PRKCH: variants seen among roughly 807,000 people sequenced by gnomAD.
PRKCH encodes the protein protein kinase C eta type.
PRKCH carries 28 observed loss-of-function variants against 82.5 expected under a neutral mutation model. The observed-to-expected ratio is 0.34, with a 90% CI of 0.25 to 0.47. PRKCH has a LOEUF of 0.47. Ranked by LOEUF, PRKCH falls within the 20% of genes least tolerant of loss-of-function variation. The pLI is 1.00. For synonymous variants in PRKCH, 322 were observed against 327.4 expected (o/e 0.98, Z 0.18); for missense variants, 705 against 881.8 (o/e 0.80, Z 2.54).
At chr14:61,526,419 C>T (rs1008863541) in intron 10 of PRKCH, among the ~76,000 whole-genome samples, 1 of 152,178 alleles carries the variant, frequency 6.6e-6, no homozygotes, top group African/African-American at 2.4e-5. Context: ...TTGATCTGTG[C>T]CATGAAAGCT....
chr14:61,304,947 G>A (rs1436762230), intron 1 of PRKCH: 1 of 151,546 alleles, frequency 6.6e-6, no homozygotes, highest in Non-Finnish European at 1.5e-5. Flanking sequence ...TTCCCCTTAT[G>A]TCATTGACTT....
chr14:61,191,095 T>C (rs4625650), intron 1 of PRKCH, among the ~76,000 whole-genome samples: 37,499 of 152,056 alleles, frequency 0.25, 5,068 homozygotes, highest in Admixed American at 0.37. Context: ...GAAATCTGAT[T>C]CTGTGGCCTG....
chr14:61,489,323 C>T (rs898832356), intron 10 of PRKCH, among the ~76,000 whole-genome samples: 3 of 152,108 alleles, frequency 2.0e-5, no homozygotes, highest in Non-Finnish European at 4.4e-5. Flanking sequence ...GTTTATTTTC[C>T]AGCAGGTTAC....
At position 61,345,728 on chromosome 14, in the gene PRKCH, A is replaced by C. The variant is rs533592008; in HGVS notation, c.363+23264A>C. ...TATCCTCCTCTTTGGGAGGCAACTG[A>C]GGCTCAGAGAGGTTAAGATACTTGC... is the stretch of plus-strand genomic sequence containing the variant. On this transcript the variant is annotated intron_variant, in intron 1 of 13. Transcript: ENST00000332981. 5.3e-5 allele frequency among the ~76,000 whole-genome samples: 8 copies of C among 152,320 alleles called. No individual in the cohort carries two copies. In the East Asian group the frequency reaches 1.5e-3, roughly 29 times the overall value.
At chr14:61,274,183 A>G (rs912223425) in intron 1 of PRKCH, among the ~76,000 whole-genome samples, 2 of 152,244 alleles carry the variant, frequency 1.3e-5, no homozygotes, top group Non-Finnish European at 2.9e-5. Context: ...GGAAGAATGA[A>G]TGAGTAAATT....
At chr14:61,539,987 G>T (rs139521565) in intron 12 of PRKCH, among the ~76,000 whole-genome samples, 3 of 152,316 alleles carry the variant, frequency 2.0e-5, no homozygotes, top group Admixed American at 6.5e-5. Flanking sequence ...TCCACTCCCT[G>T]AACTTATTTC....
intron 10 of PRKCH, among the ~76,000 whole-genome samples, chr14:61,501,482 C>A (rs1886907224): frequency 6.6e-6 from 1 of 152,016 alleles, no homozygotes; most frequent in African/African-American, 2.4e-5. Context: ...CACCAAGAGT[C>A]TCGTACGTTT....
chr14:61,410,990 G>T (rs1037084878), intron 2 of PRKCH, among the ~76,000 whole-genome samples: 1 of 152,228 alleles, frequency 6.6e-6, no homozygotes, highest in African/African-American at 2.4e-5. Flanking sequence ...AGACATCGTG[G>T]ATGCTGTCTT....
intron 12 of PRKCH, among the ~76,000 whole-genome samples, chr14:61,546,994 A>G (rs1301462911): frequency 2.6e-5 from 4 of 152,196 alleles, no homozygotes; most frequent in African/African-American, 9.7e-5. Flanking sequence ...AAGTTTCCCA[A>G]CTGATGGAAA....
intron 2 of PRKCH, among the ~76,000 whole-genome samples, chr14:61,408,103 G>A (rs7145570): frequency 0.52 from 79,173 of 152,076 alleles, 23,036 homozygotes; most frequent in Non-Finnish European, 0.65. Flanking sequence ...ACATGTTTTA[G>A]TGAGAAGGAT....
chr14:61,340,815 G>T (rs760635797), intron 1 of PRKCH, among the ~76,000 whole-genome samples: 1 of 152,042 alleles, frequency 6.6e-6, no homozygotes, highest in Non-Finnish European at 1.5e-5. Context: ...CCATTTTCCC[G>T]GTCAGAACTG....
intron 1 of PRKCH, among the ~76,000 whole-genome samples, chr14:61,358,645 A>G (rs2046183061): frequency 6.6e-6 from 1 of 152,178 alleles, no homozygotes; most frequent in South Asian, 2.1e-4. Context: ...ACCCTGGTTG[A>G]AGCCCTCTTG....
At chr14:61,512,394 C>A (rs1380907898) in intron 10 of PRKCH, among the ~76,000 whole-genome samples, 1 of 151,838 alleles carries the variant, frequency 6.6e-6, no homozygotes, top group Non-Finnish European at 1.5e-5. Context: ...TCCCAAACTG[C>A]CTTCTCTGGA....
intron 1 of PRKCH, among the ~76,000 whole-genome samples, chr14:61,245,791 A>G (rs1253685454): frequency 6.6e-6 from 1 of 152,250 alleles, no homozygotes; most frequent in East Asian, 1.9e-4. Flanking sequence ...CAGGTTCATT[A>G]GTATCCAAAA....
In PRKCH at chr14:61,188,704, A is replaced by AGTGTGTGTGTGTGTGTGTGTGT. The variant is rs754540967; in HGVS notation, c.-19+1050_-19+1071dup. Among the ~76,000 whole-genome samples the AGTGTGTGTGTGTGTGTGTGTGT allele has an allele frequency of 6.7e-4, 59 of 87,858 alleles. 2 individuals carry two copies. Among genetic ancestry groups the AGTGTGTGTGTGTGTGTGTGTGT allele is most frequent in the Admixed American group, 3.2e-3 (25 of 7,812 alleles). 57.6% of individuals were successfully genotyped at this position (87,858 alleles called of 152,430 possible). On this transcript the variant is annotated intron_variant, in intron 1 of 3. Coordinates refer to the PRKCH transcript ENST00000555185. ...CCTCCTCACCCCCAGACGTTGCTGT[A>AGTGTGTGTGTGTGTGTGTGTGT]GTGTGTGTGTGTGTGTGTGTGTGTG...
intron 1 of PRKCH, among the ~76,000 whole-genome samples, chr14:61,288,912 A>C (rs1301505658): frequency 6.6e-6 from 1 of 152,238 alleles, no homozygotes; most frequent in South Asian, 2.1e-4. Context: ...AGAAGGAAGA[A>C]TTGAAGGAAG....
At chr14:61,287,573 G>A (rs950985451) in intron 1 of PRKCH, among the ~76,000 whole-genome samples, 26 of 152,122 alleles carry the variant, frequency 1.7e-4, no homozygotes, top group African/African-American at 5.3e-4. Context: ...ACCTAGGCAT[G>A]GTAGTGCACG....
chr14:61,435,895 AAG>A (rs1298625915), intron 2 of PRKCH, among the ~76,000 whole-genome samples: 22 of 152,334 alleles, frequency 1.4e-4, no homozygotes, highest in African/African-American at 5.3e-4. Context: ...GAAGGAGACT[AAG>A]AAAGACGATT....
At chr14:61,260,161 C>T (rs2045034091) in intron 1 of PRKCH, among the ~76,000 whole-genome samples, 3 of 152,198 alleles carry the variant, frequency 2.0e-5, no homozygotes, top group South Asian at 2.1e-4. Context: ...TCTAGCTTTA[C>T]AGGTGATTAA....
Sources: allele counts gnomAD v4.1 joint callset (sites outside exome capture counted in the v4.1 genomes callset), GRCh38; gene constraint gnomAD v4.1.1; transcripts MANE v1.5; gene names NCBI Gene and HGNC (gene_info 2026-07-23, HGNC 2026-07-21).